MAP2K6: variants seen among roughly 807,000 people sequenced by gnomAD.
MAP2K6 encodes the protein dual specificity mitogen-activated protein kinase kinase 6.
Under a neutral mutation model 53.7 loss-of-function variants are expected in MAP2K6, and 16 were observed. The observed-to-expected ratio is 0.30, with a 90% CI of 0.20 to 0.45. The LOEUF (loss-of-function observed/expected upper bound fraction) is 0.45, where lower values mean the gene tolerates loss of function less well. Ranked by LOEUF, MAP2K6 falls within the 20% of genes least tolerant of loss-of-function variation. The probability of loss-of-function intolerance (pLI) is 1.00; values close to 1 mark genes in which losing one functional copy is unlikely to be tolerated. For synonymous variants in MAP2K6, 132 were observed against 143.1 expected, an observed-to-expected ratio of 0.92 and a Z score of 0.55; for missense variants, 204 against 411.9, an observed-to-expected ratio of 0.50 and a Z score of 4.37.
intron 3 of MAP2K6, 93 bp from the exon 4 acceptor site, chr17:69,517,407 A>T: frequency 1.6e-6 from 1 of 619,360 alleles, no homozygotes; most frequent in Non-Finnish European, 2.6e-6. Flanking sequence ...AATAATCCTT[A>T]GAACATTGAG....
At chr17:69,475,914 G>A (rs756110640) in intron 1 of MAP2K6, among the ~76,000 whole-genome samples, 2 of 152,312 alleles carry the variant, frequency 1.3e-5, no homozygotes, top group African/African-American at 2.4e-5. Context: ...TAATCCTGCC[G>A]GGTAGCTTTG....
chr17:69,531,351 A>G (rs72853116), intron 10 of MAP2K6, among the ~76,000 whole-genome samples: 4,764 of 152,260 alleles, frequency 0.031, 199 homozygotes, highest in African/African-American at 0.095. Flanking sequence ...GCTACTAGGT[A>G]TCATACACCT....
intron 1 of MAP2K6, chr17:69,434,711 A>T (rs1445503656): frequency 6.6e-6 from 1 of 152,134 alleles, no homozygotes; most frequent in African/African-American, 2.4e-5. Context: ...TTTAATCTTG[A>T]AATTTCCAAA....
chr17:69,490,898 T>G (rs920163547), intron 1 of MAP2K6, among the ~76,000 whole-genome samples: 2 of 152,040 alleles, frequency 1.3e-5, no homozygotes, highest in African/African-American at 4.8e-5. Context: ...GGCCCCAGTG[T>G]GTGTTGTTCC....
chr17:69,450,999 G>A (rs1907205689), intron 1 of MAP2K6, among the ~76,000 whole-genome samples: 1 of 152,166 alleles, frequency 6.6e-6, no homozygotes, highest in South Asian at 2.1e-4. Context: ...CCAGAGCATT[G>A]AGTAGGTTTG....
intron 1 of MAP2K6, among the ~76,000 whole-genome samples, chr17:69,458,483 C>T (rs2145167274): frequency 6.6e-6 from 1 of 152,304 alleles, no homozygotes; most frequent in East Asian, 1.9e-4. Context: ...GTATAAGGAC[C>T]ACATTCCAGG....
chr17:69,458,699 T>C (rs9916104), intron 1 of MAP2K6, among the ~76,000 whole-genome samples: 36,145 of 152,184 alleles, frequency 0.24, 4,473 homozygotes, highest in Middle Eastern at 0.29. Flanking sequence ...ACTCTTACCT[T>C]GTGCAGTGTC....
chr17:69,496,081 CTT>C (rs879682523), intron 1 of MAP2K6, among the ~76,000 whole-genome samples: 2 of 144,944 alleles, frequency 1.4e-5, no homozygotes, highest in Admixed American at 6.9e-5. Context: ...TCTACTAGGA[CTT>C]TTTTTTTTTT....
Position 69,524,705 on chromosome 17 carries a change from A to G in MAP2K6, c.664-196A>G, listed in dbSNP as rs531096238. Among the ~76,000 whole-genome samples the G allele has an allele frequency of 3.9e-5, 6 of 152,294 alleles. No homozygotes were observed. The South Asian group carries it at 1.2e-3, about 32-fold the overall frequency. On this transcript the variant is annotated intron_variant, in intron 8 of 11. Coordinates refer to ENST00000590474, the MANE Select transcript of MAP2K6 (RefSeq NM_002758.4). Reference sequence around the variant, plus strand: ...CATTACTGTGTCCAAGAAAAGACAAACACAGAAGAAGGGAAACCCCACGGA... The same window carrying G: ...CATTACTGTGTCCAAGAAAAGACAAGCACAGAAGAAGGGAAACCCCACGGA...
At chr17:69,465,321 GCCTGC>G (rs544107072) in intron 1 of MAP2K6, among the ~76,000 whole-genome samples, 38 of 152,088 alleles carry the variant, frequency 2.5e-4, no homozygotes, top group African/African-American at 9.2e-4. Flanking sequence ...ATAAGTTACA[GCCTGC>G]CCTTATTTCC....
chr17:69,520,396 T>A lies in MAP2K6; in HGVS notation c.483+10T>A, dbSNP rs1323871671. The A allele has an allele frequency of 2.7e-6, 4 of 1,474,546 alleles. No homozygotes were observed. The Admixed American group carries it at 7.1e-5, about 26-fold the overall frequency. 91.3% of individuals were successfully genotyped at this position (1,474,546 alleles called of 1,614,324 possible). On this transcript the variant is annotated intron_variant, in intron 6 of 11. Transcript: ENST00000590474. ...GAAAATAGCAGTTTCTGTGAGTACA[T>A]TTTGATCCCTACTGCAAGGATAATG...
chr17:69,458,832 C>T (rs898566665), intron 1 of MAP2K6, among the ~76,000 whole-genome samples: 4 of 152,156 alleles, frequency 2.6e-5, no homozygotes, highest in East Asian at 1.9e-4. Context: ...CCCCTGTCCT[C>T]GTTCTCTGTT....
At chr17:69,427,626 A>C (rs1342447033) in intron 1 of MAP2K6, among the ~76,000 whole-genome samples, 1 of 152,156 alleles carries the variant, frequency 6.6e-6, no homozygotes, top group East Asian at 1.9e-4. Flanking sequence ...GAGTCAGTAC[A>C]GTGTGAAGGA....
intron 1 of MAP2K6, among the ~76,000 whole-genome samples, chr17:69,423,406 G>T (rs772707013): frequency 1.3e-5 from 2 of 152,124 alleles, no homozygotes; most frequent in Non-Finnish European, 2.9e-5. Flanking sequence ...GAGTAGTTGC[G>T]CCAGAGCCCC....
intron 1 of MAP2K6, among the ~76,000 whole-genome samples, chr17:69,455,430 C>A (rs1907371241): frequency 6.6e-6 from 1 of 152,142 alleles, no homozygotes; most frequent in South Asian, 2.1e-4. Context: ...TGTAATATGA[C>A]AACCTCGAAA....
intron 1 of MAP2K6, among the ~76,000 whole-genome samples, chr17:69,424,459 T>G (rs988373020): frequency 6.6e-5 from 10 of 152,148 alleles, no homozygotes; most frequent in Non-Finnish European, 1.5e-4. Context: ...TCACTATGGA[T>G]CAGTGAGGTG....
chr17:69,416,773 A>T (rs980831406), intron 1 of MAP2K6, among the ~76,000 whole-genome samples: 4 of 152,218 alleles, frequency 2.6e-5, no homozygotes, highest in Non-Finnish European at 5.9e-5. Context: ...TTGGAGTTTA[A>T]AAATGGAAGT....
chr17:69,517,975 G>T (rs1323796129), intron 4 of MAP2K6, among the ~76,000 whole-genome samples: 2 of 152,108 alleles, frequency 1.3e-5, no homozygotes, highest in Non-Finnish European at 2.9e-5. Context: ...TGGATCACGA[G>T]GTCAGGAGTT....
At chr17:69,531,135 C>T (rs1233103191) in intron 10 of MAP2K6, among the ~76,000 whole-genome samples, 4 of 151,938 alleles carry the variant, frequency 2.6e-5, no homozygotes, top group Non-Finnish European at 4.4e-5. Context: ...TCAGAAAGGC[C>T]GCTCTATGTG....
Sources: gnomAD v4.1 joint callset for allele counts (sites outside exome capture counted in the v4.1 genomes callset) on GRCh38, gnomAD v4.1.1 for gene constraint, MANE v1.5 for transcripts, NCBI Gene and HGNC (gene_info 2026-07-23, HGNC 2026-07-21) for gene names.